The following SAFB variants were observed in gnomAD, a reference collection of about 807,000 sequenced individuals.
SAFB encodes scaffold attachment factor B1.
In SAFB, 15 loss-of-function variants were observed where a neutral mutation model predicts 101.6. The observed-to-expected ratio is 0.15, with a 90% CI of 0.10 to 0.23. The LOEUF (loss-of-function observed/expected upper bound fraction) is 0.23. Ranked by LOEUF, SAFB falls within the 10% of genes least tolerant of loss-of-function variation. The pLI is 1.00. For synonymous variants in SAFB, 449 were observed against 407.5 expected (o/e 1.10, Z -1.23); for missense variants, 930 against 1,104.1 (o/e 0.84, Z 2.23).
intron 14 of SAFB, among the ~76,000 whole-genome samples, chr19:5,658,869 G>A (rs1312425460): frequency 3.2e-4 from 45 of 142,018 alleles, no homozygotes; most frequent in African/African-American, 1.0e-3. Context: ...TCGGGGGGCC[G>A]GGCGCGGTGG....
At chr19:5,663,863 A>G (rs2054270028) in intron 15 of SAFB, among the ~76,000 whole-genome samples, 159 bp from the exon 16 acceptor site, 1 of 152,186 alleles carries the variant, frequency 6.6e-6, no homozygotes, top group Admixed American at 6.5e-5. Context: ...ACAACTGTGC[A>G]GTCACTGGGG....
intron 15 of SAFB, among the ~76,000 whole-genome samples, chr19:5,662,343 A>G (rs1330060531): frequency 6.6e-6 from 1 of 152,010 alleles, no homozygotes; most frequent in East Asian, 2.0e-4. Flanking sequence ...ACTAAAATAC[A>G]AAAAATTGGT....
At chr19:5,629,239 A>C (rs1022514588) in intron 2 of SAFB, among the ~76,000 whole-genome samples, 1 of 152,216 alleles carries the variant, frequency 6.6e-6, no homozygotes, top group African/African-American at 2.4e-5. Context: ...GTTACAGAGC[A>C]AGACCCTGTG....
chr19:5,643,292 G>A (rs567450297), intron 4 of SAFB, among the ~76,000 whole-genome samples: 8 of 152,170 alleles, frequency 5.3e-5, no homozygotes, highest in African/African-American at 1.4e-4. Flanking sequence ...TAGGTCTTCC[G>A]CAGTGAGTGC....
intron 2 of SAFB, among the ~76,000 whole-genome samples, chr19:5,633,763 A>G (rs2053539896): frequency 6.6e-6 from 1 of 151,274 alleles, no homozygotes; most frequent in Non-Finnish European, 1.5e-5. Context: ...TGGGCGACAG[A>G]GCGAGACTCC....
In SAFB at chr19:5,667,748, G is replaced by A; in HGVS notation, c.2558-72G>A. The A allele has an allele frequency of 6.7e-7, 1 of 1,495,350 alleles. No individual in the cohort carries two copies. The highest frequency in any genetic ancestry group is 9.3e-7 in the Non-Finnish European group (1 of 1,076,546). The allele number at this position is 1,495,350 out of a possible 1,614,324, so 92.6% of individuals were successfully genotyped here. A position where few individuals can be genotyped will look rare whatever the true frequency, so the allele number is the denominator to read the frequency against. ...TGGGGGCCTCACCAAAGGGAGTGGAGTGGGCTAAATGTGCCGTGGGTTCCA... is the reference window on the plus strand; with the variant it reads ...TGGGGGCCTCACCAAAGGGAGTGGAATGGGCTAAATGTGCCGTGGGTTCCA... On this transcript the variant is annotated intron_variant, in intron 19 of 20. Transcript: ENST00000588852. The surrounding 1 kb of genome is among the most constrained non-coding windows in gnomAD (Gnocchi z 4.0).
chr19:5,654,541 C>T, intron 13 of SAFB, 85 bp downstream of exon 13: 1 of 856,388 alleles, frequency 1.2e-6, no homozygotes. Flanking sequence ...TACTAAGCTT[C>T]ATTTGAAAAA....
chr19:5,629,079 G>A (rs967157772), intron 2 of SAFB, among the ~76,000 whole-genome samples: 2 of 152,106 alleles, frequency 1.3e-5, no homozygotes, highest in Non-Finnish European at 2.9e-5. Context: ...TTTCAGTTGT[G>A]AGCCACTGCG....
At position 5,653,416 on chromosome 19, in the gene SAFB, G is replaced by A. The variant is rs764679145; in HGVS notation, c.1522G>A (p.Asp508Asn). 6.2e-7 allele frequency: 1 copy of A among 1,613,664 alleles called. No homozygotes were observed. The highest frequency in any genetic ancestry group is 1.3e-5 in the African/African-American group (1 of 74,922). ...GAAAAAGGAGAAGTCGAGCAACAGT[G>A]ACAGGTACCCCTCCTTCCTGGCTAA... ...DGKKEKSSNS[D>N]RSTNLKRDDK... Residue 508 changes from aspartate to asparagine, a missense_variant, in exon 11 of 21, where the codon GAC becomes AAC. Physicochemically the swap from Asp to Asn is conservative, Grantham distance 23. Around this residue, in one of 7 missense-constraint regions of SAFB, gnomAD observed 92 missense variants for 83.8 expected, o/e 1.10. Coordinates refer to ENST00000588852, the MANE Select transcript of SAFB (RefSeq NM_001201338.2).
At chr19:5,655,325 G>A (rs1648889622) in intron 13 of SAFB, among the ~76,000 whole-genome samples, 1 of 151,980 alleles carries the variant, frequency 6.6e-6, no homozygotes, top group African/African-American at 2.4e-5. Context: ...AGGCTCGGTG[G>A]TATGCATCTG....
At chr19:5,656,153 C>A (rs2054054005) in intron 13 of SAFB, among the ~76,000 whole-genome samples, 1 of 152,186 alleles carries the variant, frequency 6.6e-6, no homozygotes, top group Admixed American at 6.5e-5. Flanking sequence ...AAAAGTTATT[C>A]ATCACATAGG....
chr19:5,646,980 G>A (rs1232408866), intron 5 of SAFB, among the ~76,000 whole-genome samples: 1 of 152,160 alleles, frequency 6.6e-6, no homozygotes, highest in Non-Finnish European at 1.5e-5. Flanking sequence ...TAAAAAGAAG[G>A]GTGCTACCAT....
At chr19:5,651,430 C>T (rs541405941) in intron 9 of SAFB, among the ~76,000 whole-genome samples, 12 of 152,242 alleles carry the variant, frequency 7.9e-5, no homozygotes, top group South Asian at 2.1e-4. Flanking sequence ...GAACAGTGTT[C>T]GTGATGCTGG....
At chr19:5,625,551 T>G (rs1460732892) in intron 1 of SAFB, among the ~76,000 whole-genome samples, 2 of 152,190 alleles carry the variant, frequency 1.3e-5, no homozygotes. Context: ...ACAAAACTTG[T>G]GCTCATGGGA....
chr19:5,662,171 C>T (rs1021131284), intron 15 of SAFB, among the ~76,000 whole-genome samples: 1 of 152,198 alleles, frequency 6.6e-6, no homozygotes, highest in Admixed American at 6.5e-5. Flanking sequence ...AGCTGTGAGC[C>T]ACCGCGACCG....
In SAFB at chr19:5,662,226, G is replaced by C. The variant is rs551678100; in HGVS notation, c.2153+418G>C. Among the ~76,000 whole-genome samples, 11 of 152,268 alleles carry C rather than the reference G, an allele frequency of 7.2e-5. No individual in the cohort carries two copies. In the East Asian group the frequency reaches 1.6e-3, roughly 22 times the overall value. The stretch of plus-strand genomic sequence containing the variant: ...TTCAAAGGAAGCATAGGCCGGGTGC[G>C]CTAGTTCACGCCTGTAATCCTAACA... On this transcript the variant is annotated intron_variant, in intron 15 of 20. Coordinates refer to ENST00000588852, the MANE Select transcript of SAFB (RefSeq NM_001201338.2).
At chr19:5,640,034 A>G (rs1056441653) in intron 2 of SAFB, among the ~76,000 whole-genome samples, 2 of 151,922 alleles carry the variant, frequency 1.3e-5, no homozygotes, top group Admixed American at 6.6e-5. Flanking sequence ...GGTTTTTTTT[A>G]GTAGAGACAG....
chr19:5,642,076 G>C lies in SAFB; in HGVS notation c.546+130G>C, dbSNP rs755037537. The C allele has an allele frequency of 3.0e-5, 23 of 773,302 alleles. 1 individual carries two copies. The South Asian group carries it at 3.4e-4, about 11-fold the overall frequency. 47.9% of individuals were successfully genotyped at this position (773,302 alleles called of 1,614,324 possible). A position where few individuals can be genotyped will look rare whatever the true frequency, so the allele number is the denominator to read the frequency against. ...AGTTCAGTAGAATAAGGGTCAGTTG[G>C]TTCAGATGATTCTGAACCAATTTGT... On this transcript the variant is annotated intron_variant, in intron 4 of 20. Transcript: ENST00000588852.
chr19:5,653,247 A>T lies in SAFB; in HGVS notation c.1426A>T (p.Met476Leu). Reference protein sequence around the residue: ...HLHKTELHGKMISVEKAKNEP... With the variant: ...HLHKTELHGKLISVEKAKNEP... The stretch of plus-strand genomic sequence containing the variant: ...GCACAAGACGGAGCTCCACGGAAAG[A>T]TGATCTCCGTGGAGAAAGTGAGTGG... The change falls in exon 10 of 21, where the codon ATG (methionine) becomes TTG (leucine). Residue 476 changes from methionine to leucine, a missense_variant. By Grantham distance (15) the Met-to-Leu change is conservative. Coordinates refer to ENST00000588852, the MANE Select transcript of SAFB (RefSeq NM_001201338.2). 6.2e-7 allele frequency: 1 copy of T among 1,614,168 alleles called. No individual in the cohort carries two copies. Among genetic ancestry groups the T allele is most frequent in the Non-Finnish European group, 8.5e-7 (1 of 1,180,040 alleles).
Sources: allele counts gnomAD v4.1 joint callset (sites outside exome capture counted in the v4.1 genomes callset), GRCh38; gene constraint gnomAD v4.1.1; regional missense constraint gnomAD v4.1.1; non-coding constraint Gnocchi (gnomAD v3.1); transcripts MANE v1.5; gene names NCBI Gene and HGNC (gene_info 2026-07-23, HGNC 2026-07-21).